MYO6: variants seen among roughly 807,000 people sequenced by gnomAD.
MYO6 encodes the protein unconventional myosin-VI.
Under a neutral mutation model 178.7 loss-of-function variants are expected in MYO6, and 74 were observed. That is an observed-to-expected ratio of 0.41 (90% confidence interval 0.34 to 0.50). The LOEUF (loss-of-function observed/expected upper bound fraction) is 0.50. Among genes scored for constraint, MYO6 ranks in the 20% least tolerant of loss-of-function variants. MYO6 has a pLI of 0.09. For missense variants in MYO6, 1,330 were observed against 1,547.4 expected (o/e 0.86, Z 2.36); for synonymous variants, 477 against 504.6 (o/e 0.95, Z 0.73).
rs1774586519 is a variant in MYO6, at chr6:75,844,976, A to G, written c.896A>G (p.Glu299Gly). The G allele has an allele frequency of 6.2e-7, 1 of 1,606,656 alleles. No homozygotes were observed. Among genetic ancestry groups the G allele is most frequent in the Non-Finnish European group, 8.5e-7 (1 of 1,173,566 alleles). ...KQILQNRKSP[E>G]YLKAGSMKDP... ...ATTTTACAGAACCGCAAAAGTCCTG[A>G]GGTATAGTAGACCATTGTTCATAAA... The change falls in exon 10 of 35, where the codon GAG becomes GGG. Residue 299 changes from glutamate (E) to glycine (G), a missense_variant and splice_region_variant. Glu to Gly is a moderately conservative substitution (Grantham distance 98). Transcript: ENST00000369977.
chr6:75,759,032 G>A (rs2149980086), intron 1 of MYO6, among the ~76,000 whole-genome samples: 1 of 151,930 alleles, frequency 6.6e-6, no homozygotes, highest in Non-Finnish European at 1.5e-5. Context: ...ACCATGCCCG[G>A]CTAATTTTTA....
chr6:75,865,353 G>GTTTT (rs1476460446), intron 16 of MYO6: 7 of 87,824 alleles, frequency 8.0e-5, no homozygotes, highest in East Asian at 3.0e-4. Context: ...TTTAAATGAT[G>GTTTT]TCTTTTTTTT....
intron 33 of MYO6, among the ~76,000 whole-genome samples, chr6:75,912,634 T>C (rs917723918): frequency 1.3e-5 from 2 of 152,106 alleles, no homozygotes; most frequent in Admixed American, 6.6e-5. Flanking sequence ...TCATGGTAAA[T>C]TTCCTGTAAA....
At position 75,840,506 on chromosome 6, in the gene MYO6, A is replaced by C. The variant is rs114592293; in HGVS notation, c.554-79A>C. On this transcript the variant is annotated intron_variant, in intron 7 of 34. Coordinates refer to ENST00000369977, the MANE Select transcript of MYO6 (RefSeq NM_004999.4). ...CATTTTTTTCTAGACATATATATTA[A>C]CAAATGGAGATATACCATGCATATT... is the stretch of plus-strand genomic sequence containing the variant. 2.4e-3 allele frequency: 2,309 copies of C among 949,434 alleles called. 42 individuals carry two copies. In the African/African-American group the frequency reaches 0.033, roughly 14 times the overall value. 58.8% of individuals were successfully genotyped at this position (949,434 alleles called of 1,614,324 possible).
Position 75,866,969 on chromosome 6 carries a change from T to A in MYO6, c.1808T>A (p.Met603Lys). Residue 603 changes from methionine (M) to lysine (K), a missense_variant, in exon 18 of 35, where the codon ATG (methionine) becomes AAG (lysine). Met to Lys is a moderately conservative substitution (Grantham distance 95). Transcript: ENST00000369977. ...FVEKNNDALH[M>K]SLESLICESR... ...GAGAAAAATAATGATGCTTTACATA[T>A]GTCTCTTGAATCCTTAATATGTGAA... 2 of 1,614,026 alleles carry A rather than the reference T, an allele frequency of 1.2e-6. No homozygotes were observed. The highest frequency in any genetic ancestry group is 1.7e-6 in the Non-Finnish European group (2 of 1,179,904).
chr6:75,879,419 A>AT lies in MYO6; in HGVS notation c.2078-383dup, dbSNP rs34598660. Among the ~76,000 whole-genome samples, 824 of 126,402 alleles carry AT rather than the reference A, an allele frequency of 6.5e-3. 9 individuals carry two copies. Among genetic ancestry groups the AT allele is most frequent in the African/African-American group, 0.017 (579 of 33,928 alleles). 82.9% of individuals were successfully genotyped at this position (126,402 alleles called of 152,430 possible). A position where few individuals can be genotyped will look rare whatever the true frequency, so the allele number is the denominator to read the frequency against. ...ACTAGCATGCCTGGCTGATTTCTCT[A>AT]TTTTTTTTTTTTTTTTTTGTAGAGA... On this transcript the variant is annotated intron_variant, in intron 20 of 34. Transcript: ENST00000369977.
In MYO6 at chr6:75,872,033, G is replaced by A. The variant is rs548967803; in HGVS notation, c.1984-1174G>A. Among the ~76,000 whole-genome samples the A allele has an allele frequency of 4.2e-3, 633 of 152,146 alleles. 2 individuals are homozygous for A. Among genetic ancestry groups the A allele is most frequent in the Non-Finnish European group, 7.2e-3 (492 of 68,002 alleles). ...AATCCTAGCTACTTGGGAGGCTGAGGCAGAAGAATCACTTGAACCCAGGAG... is the reference window on the plus strand; with the variant it reads ...AATCCTAGCTACTTGGGAGGCTGAGACAGAAGAATCACTTGAACCCAGGAG... On this transcript the variant is annotated intron_variant, in intron 19 of 34. Coordinates refer to ENST00000369977, the MANE Select transcript of MYO6 (RefSeq NM_004999.4).
At chr6:75,835,842 A>G (rs370422718) in intron 6 of MYO6, 59 bp from the exon 7 acceptor site, 3 of 979,620 alleles carry the variant, frequency 3.1e-6, no homozygotes, top group Admixed American at 1.7e-5. Flanking sequence ...CTAGATAATT[A>G]TAAATTATTG....
rs1778888740 is a variant in MYO6 at position 75,891,364 on chromosome 6, G to T, written c.2946+58G>T. 33 of 1,315,858 alleles carry T rather than the reference G, an allele frequency of 2.5e-5. No homozygotes were observed. The South Asian group carries it at 3.9e-4, about 16-fold the overall frequency. The allele number at this position is 1,315,858 out of a possible 1,614,324, so 81.5% of individuals were successfully genotyped here. On this transcript the variant is annotated intron_variant, in intron 27 of 34. Coordinates refer to ENST00000369977, the MANE Select transcript of MYO6 (RefSeq NM_004999.4). Reference sequence around the variant, plus strand: ...ATGGAACCTACAGGCTGGGTGTGGTGGCTCATGCCTGTAATCCCAGCTCTT... The same window carrying T: ...ATGGAACCTACAGGCTGGGTGTGGTTGCTCATGCCTGTAATCCCAGCTCTT...
intron 1 of MYO6, among the ~76,000 whole-genome samples, chr6:75,777,203 A>G (rs1002418707): frequency 6.6e-6 from 1 of 152,148 alleles, no homozygotes; most frequent in Non-Finnish European, 1.5e-5. Context: ...ATGTATTAAT[A>G]TCTTTCTTAA....
intron 1 of MYO6, among the ~76,000 whole-genome samples, chr6:75,814,478 C>A (rs143285134): frequency 6.6e-6 from 1 of 152,076 alleles, no homozygotes; most frequent in Non-Finnish European, 1.5e-5. Flanking sequence ...ATTGCTGGAG[C>A]CTTCTATTAA....
intron 1 of MYO6, among the ~76,000 whole-genome samples, chr6:75,809,515 T>C (rs1463973797): frequency 2.0e-5 from 3 of 152,054 alleles, no homozygotes; most frequent in Non-Finnish European, 4.4e-5. Context: ...AGAAAGTGTG[T>C]GTGAGGTGGT....
At chr6:75,909,126 G>T (rs1471654655) in intron 32 of MYO6, among the ~76,000 whole-genome samples, 1 of 152,190 alleles carries the variant, frequency 6.6e-6, no homozygotes, top group African/African-American at 2.4e-5. Flanking sequence ...CTGGGCTCAA[G>T]CAATCCTCCT....
chr6:75,762,440 C>A (rs1778035632), intron 1 of MYO6, among the ~76,000 whole-genome samples: 1 of 152,206 alleles, frequency 6.6e-6, no homozygotes, highest in Admixed American at 6.5e-5. Context: ...TCCAGGTGGT[C>A]TGGCTCTAGA....
chr6:75,868,721 A>G (rs1562266448), intron 18 of MYO6, among the ~76,000 whole-genome samples: 1 of 152,148 alleles, frequency 6.6e-6, no homozygotes, highest in Non-Finnish European at 1.5e-5. Flanking sequence ...TGAAGTATAT[A>G]AGGCAATAAA....
At chr6:75,831,063 G>A (rs1228911478) in intron 5 of MYO6, among the ~76,000 whole-genome samples, 1 of 152,180 alleles carries the variant, frequency 6.6e-6, no homozygotes, top group Non-Finnish European at 1.5e-5. Flanking sequence ...TACCACTGGA[G>A]AATCTATGTG....
chr6:75,858,806 TA>T, intron 13 of MYO6, 95 bp from the exon 14 acceptor site: 1 of 751,350 alleles, frequency 1.3e-6, no homozygotes, highest in Non-Finnish European at 2.2e-6. Context: ...AACCTAATTT[TA>T]AATTAAGCCA....
intron 20 of MYO6, 34 bp from the exon 21 acceptor site, chr6:75,879,786 A>G: frequency 6.2e-7 from 1 of 1,614,110 alleles, no homozygotes; most frequent in Non-Finnish European, 8.5e-7. Flanking sequence ...CCGAACAGTG[A>G]TTGACAGTGC....
At chr6:75,907,380 G>T (rs957294639) in intron 30 of MYO6, among the ~76,000 whole-genome samples, 7 of 152,070 alleles carry the variant, frequency 4.6e-5, no homozygotes, top group Admixed American at 1.3e-4. Context: ...TCAAAAGTTT[G>T]GATTTAAAAT....
Sources: allele counts gnomAD v4.1 joint callset (sites outside exome capture counted in the v4.1 genomes callset), GRCh38; gene constraint gnomAD v4.1.1; transcripts MANE v1.5; gene names NCBI Gene and HGNC (gene_info 2026-07-23, HGNC 2026-07-21).